Variants in PLPPR4 observed in about 807,000 individuals in gnomAD.
The protein encoded by PLPPR4 is phospholipid phosphatase-related protein type 4.
Under a neutral mutation model 56.6 loss-of-function variants are expected in PLPPR4, and 24 were observed. That is an observed-to-expected ratio of 0.42 (90% CI 0.31 to 0.60). The LOEUF is 0.60. Among genes scored for constraint, PLPPR4 ranks in the 20% least tolerant of loss-of-function variants. PLPPR4 has a pLI of 0.13. For missense variants in PLPPR4, 654 were observed against 885.8 expected (o/e 0.74, Z 3.32); for synonymous variants, 326 against 328.1 (o/e 0.99, Z 0.07).
intron 6 of PLPPR4, among the ~76,000 whole-genome samples, chr1:99,303,056 A>G (rs1235734179): frequency 6.6e-6 from 1 of 152,160 alleles, no homozygotes; most frequent in Non-Finnish European, 1.5e-5. Context: ...TTTTAGGAAT[A>G]GCAAACTGCC....
chr1:99,297,931 G>T (rs1213663811), intron 3 of PLPPR4, among the ~76,000 whole-genome samples: 2 of 152,132 alleles, frequency 1.3e-5, no homozygotes, highest in African/African-American at 4.8e-5. Flanking sequence ...CAATGTTCCA[G>T]AGCCTGCATC....
At chr1:99,284,664 GA>G (rs898462736) in intron 1 of PLPPR4, among the ~76,000 whole-genome samples, 2 of 151,584 alleles carry the variant, frequency 1.3e-5, no homozygotes, top group South Asian at 4.2e-4. Flanking sequence ...TATATATATG[GA>G]AAATTATATA....
intron 3 of PLPPR4, among the ~76,000 whole-genome samples, chr1:99,297,690 G>A (rs975838272): frequency 6.6e-6 from 1 of 151,982 alleles, no homozygotes; most frequent in Non-Finnish European, 1.5e-5. Context: ...GAAAAATCAG[G>A]TCTAACTCAT....
chr1:99,283,733 C>A (rs1465234643), intron 1 of PLPPR4, among the ~76,000 whole-genome samples: 2 of 152,120 alleles, frequency 1.3e-5, no homozygotes, highest in East Asian at 3.9e-4. Flanking sequence ...GGCGGATCAC[C>A]GAGGTCAGGA....
chr1:99,263,583 C>T (rs947570508), upstream of PLPPR4, among the ~76,000 whole-genome samples: 1 of 152,120 alleles, frequency 6.6e-6, no homozygotes, highest in Non-Finnish European at 1.5e-5. Flanking sequence ...TATCATGTCT[C>T]GTGTTTGCTG....
upstream of PLPPR4, among the ~76,000 whole-genome samples, chr1:99,263,100 A>G (rs1301962601): frequency 6.6e-6 from 1 of 152,192 alleles, no homozygotes; most frequent in East Asian, 1.9e-4. Context: ...GAAGTTGTGA[A>G]TGGGAAAATG....
intron 6 of PLPPR4, among the ~76,000 whole-genome samples, chr1:99,304,209 CTA>C (rs1659958347): frequency 6.6e-6 from 1 of 152,132 alleles, no homozygotes; most frequent in East Asian, 1.9e-4. Flanking sequence ...TGAATTTTTT[CTA>C]TATGTTTTCT....
At chr1:99,267,784 G>A (rs17395395) in intron 1 of PLPPR4, among the ~76,000 whole-genome samples, 5,496 of 152,264 alleles carry the variant, frequency 0.036, 135 homozygotes, top group Non-Finnish European at 0.054. Context: ...GGCTCCACAG[G>A]CTTCTTGAAA....
intron 1 of PLPPR4, among the ~76,000 whole-genome samples, chr1:99,278,269 T>A (rs910485896): frequency 1.2e-4 from 18 of 152,072 alleles, no homozygotes; most frequent in Non-Finnish European, 2.4e-4. Context: ...AATCATGGAA[T>A]CTTACTGTAT....
Position 99,300,788 on chromosome 1 carries a change from A to G in PLPPR4, c.591-121A>G, listed in dbSNP as rs557370209. 4.8e-5 allele frequency: 35 copies of G among 731,296 alleles called. No homozygotes were observed. The African/African-American group carries it at 6.0e-4, about 13-fold the overall frequency. 45.3% of individuals were successfully genotyped at this position (731,296 alleles called of 1,614,324 possible). A position where few individuals can be genotyped will look rare whatever the true frequency, so the allele number is the denominator to read the frequency against. On this transcript the variant is annotated intron_variant, in intron 4 of 6. Coordinates refer to ENST00000370185, the MANE Select transcript of PLPPR4 (RefSeq NM_014839.5). The stretch of plus-strand genomic sequence containing the variant: ...CACCAGAAAGCTGGACAGAAGGTAA[A>G]ATTATTGCTTATTGCCTTGTGACTT...
In PLPPR4 at chr1:99,300,890, G is replaced by T; in HGVS notation, c.591-19G>T. 6.2e-7 allele frequency: 1 copy of T among 1,603,632 alleles called. No individual in the cohort carries two copies. Among genetic ancestry groups the T allele is most frequent in the Non-Finnish European group, 8.5e-7 (1 of 1,170,978 alleles). On this transcript the variant is annotated intron_variant, in intron 4 of 6. Coordinates refer to ENST00000370185, the MANE Select transcript of PLPPR4 (RefSeq NM_014839.5). ...GTATCTGAACTACAAGGCATAATTT[G>T]ACTATCTTCTTTTGGCAGAAAGTCC...
At chr1:99,268,967 T>C (rs775074416) in intron 1 of PLPPR4, among the ~76,000 whole-genome samples, 1 of 152,220 alleles carries the variant, frequency 6.6e-6, no homozygotes, top group Non-Finnish European at 1.5e-5. Flanking sequence ...GGGGTACATG[T>C]GCAGAACATG....
intron 2 of PLPPR4, among the ~76,000 whole-genome samples, chr1:99,292,233 A>C (rs1212017423): frequency 6.6e-6 from 1 of 152,166 alleles, no homozygotes; most frequent in Admixed American, 6.5e-5. Context: ...CCCTGCCAGC[A>C]CTATTTATTT....
intron 1 of PLPPR4, 91 bp downstream of exon 1, chr1:99,264,762 T>A: frequency 7.1e-7 from 1 of 1,414,708 alleles, no homozygotes; most frequent in Non-Finnish European, 9.7e-7. Context: ...GGCGCAGAGA[T>A]CCTGCCGGGC....
intron 1 of PLPPR4, among the ~76,000 whole-genome samples, chr1:99,282,008 G>C (rs1415465141): frequency 2.0e-5 from 3 of 152,072 alleles, no homozygotes; most frequent in Non-Finnish European, 2.9e-5. Flanking sequence ...CCAAAAGTGA[G>C]GATTTTGCTG....
Position 99,308,690 on chromosome 1 carries a change from G to GA in PLPPR4, c.*1685dup, listed in dbSNP as rs1296190428. 1 of 152,522 alleles carries GA rather than the reference G, an allele frequency of 6.6e-6. No individual in the cohort carries two copies. Among genetic ancestry groups the GA allele is most frequent in the Non-Finnish European group, 1.5e-5 (1 of 68,008 alleles). 9.4% of individuals were successfully genotyped at this position (152,522 alleles called of 1,614,324 possible). ...CACATGAAAAAGGTGGAGCTTTCTA[G>GA]AAAAACCAACCTCTAAGGCATTAGG... On this transcript the variant is annotated 3_prime_UTR_variant, in exon 7 of 7. Coordinates refer to ENST00000370185, the MANE Select transcript of PLPPR4 (RefSeq NM_014839.5).
chr1:99,265,564 G>T (rs1490337601), intron 1 of PLPPR4, among the ~76,000 whole-genome samples: 1 of 152,146 alleles, frequency 6.6e-6, no homozygotes, highest in African/African-American at 2.4e-5. Context: ...GATACTGAAG[G>T]GTTGTATTGC....
In PLPPR4 at chr1:99,303,066, C is replaced by A. The variant is rs373869902; in HGVS notation, c.822+1169C>A. ...AAGTATTTTAGGAATAGCAAACTGC[C>A]TGAGGAAGTTAGAAAAGACGTCACA... On this transcript the variant is annotated intron_variant, in intron 6 of 6. Transcript: ENST00000370185. Among the ~76,000 whole-genome samples, 12 of 152,138 alleles carry A rather than the reference C, an allele frequency of 7.9e-5. No homozygotes were observed. In the East Asian group the frequency reaches 1.9e-3, roughly 24 times the overall value.
chr1:99,306,189 A>G lies in PLPPR4; in HGVS notation c.1327A>G (p.Asn443Asp). The change falls in exon 7 of 7, where the codon AAT (asparagine) becomes GAT (aspartate). Residue 443 changes from asparagine to aspartate, a missense_variant. This residue lies in a region of PLPPR4 where 468 missense variants were observed against 554.3 expected (regional missense o/e 0.84). Coordinates refer to ENST00000370185, the MANE Select transcript of PLPPR4 (RefSeq NM_014839.5). This position sits in a 1 kb window ranked among gnomAD's most constrained non-coding sequence, Gnocchi z 4.0. ...CTCAGAGCCATCGAGGGTAGGGGTG[A>G]ATGGAGACCACCATGGTCCTGGCAA... ...SSSEPSRVGV[N>D]GDHHGPGNQY... 1 of 1,614,098 alleles carries G rather than the reference A, an allele frequency of 6.2e-7. No individual in the cohort carries two copies. The highest frequency in any genetic ancestry group is 8.5e-7 in the Non-Finnish European group (1 of 1,180,010).
Sources: gnomAD v4.1 joint callset for allele counts (sites outside exome capture counted in the v4.1 genomes callset) on GRCh38, gnomAD v4.1.1 for gene constraint, gnomAD v4.1.1 regional missense constraint, Gnocchi (gnomAD v3.1) non-coding constraint, MANE v1.5 for transcripts, NCBI Gene and HGNC (gene_info 2026-07-23, HGNC 2026-07-21) for gene names.